ULK2: variants seen among roughly 807,000 people sequenced by gnomAD.
ULK2 encodes the protein unc-51 like autophagy activating kinase 2, also known as serine/threonine-protein kinase ULK2.
ULK2 carries 76 observed loss-of-function variants against 127.5 expected under a neutral mutation model. The ratio of observed to expected loss-of-function variants is 0.60; its 90% CI spans 0.50 to 0.72. ULK2 has a LOEUF of 0.72. Among genes scored for constraint, ULK2 ranks in the 30% least tolerant of loss-of-function variants. The pLI, the probability that ULK2 is intolerant of heterozygous loss-of-function variation, is 0.00. For missense variants in ULK2, 1,144 were observed against 1,295.9 expected (o/e 0.88, Z 1.80); for synonymous variants, 452 against 461.9 (o/e 0.98, Z 0.28).
intron 1 of ULK2, among the ~76,000 whole-genome samples, chr17:19,867,070 G>C (rs964452311): frequency 1.3e-5 from 2 of 152,182 alleles, no homozygotes; most frequent in African/African-American, 4.8e-5. Context: ...ACGCTCCTGC[G>C]GGCGGACCGC....
At chr17:19,825,049 T>A (rs2041252968) in intron 12 of ULK2, 45 bp downstream of exon 12, 1 of 1,530,758 alleles carries the variant, frequency 6.5e-7, no homozygotes, top group Non-Finnish European at 9.0e-7. Context: ...AGAAAAGATG[T>A]AATAGCACTA....
chr17:19,862,009 T>C (rs143053094), intron 3 of ULK2, among the ~76,000 whole-genome samples: 39 of 152,294 alleles, frequency 2.6e-4, no homozygotes, highest in Non-Finnish European at 4.6e-4. Context: ...ATTCTAGAAA[T>C]TGAAGTTAAA....
At chr17:19,797,044 A>G (rs2087286678) in intron 18 of ULK2, among the ~76,000 whole-genome samples, 1 of 152,218 alleles carries the variant, frequency 6.6e-6, no homozygotes, top group African/African-American at 2.4e-5. Flanking sequence ...CTGTAATTCT[A>G]GCATTTTGGG....
chr17:19,814,095 A>G (rs183288360), intron 13 of ULK2, among the ~76,000 whole-genome samples: 36 of 152,100 alleles, frequency 2.4e-4, no homozygotes, highest in African/African-American at 8.4e-4. Flanking sequence ...AAAAAAAGAA[A>G]CCCCATCTTG....
At chr17:19,780,351 C>A (rs1220936776) in intron 25 of ULK2, 121 bp downstream of exon 25, 1 of 879,572 alleles carries the variant, frequency 1.1e-6, no homozygotes, top group African/African-American at 1.7e-5. Flanking sequence ...AGAAGGCAAT[C>A]CACAATACTT....
chr17:19,856,790 G>A (rs2042138926), intron 3 of ULK2, among the ~76,000 whole-genome samples: 1 of 150,484 alleles, frequency 6.6e-6, no homozygotes, highest in Non-Finnish European at 1.5e-5. Flanking sequence ...GGCTAACACG[G>A]TGAAACCCCG....
chr17:19,826,053 A>G lies in ULK2; in HGVS notation c.835+86T>C, dbSNP rs908434145. The stretch of plus-strand genomic sequence containing the variant: ...AATGAAATTTTAGGAGTCACAATAA[A>G]AGATGAATTTTGTAGTAAAAATCAT... On this transcript the variant is annotated intron_variant, in intron 11 of 26. Coordinates refer to ENST00000395544, the MANE Select transcript of ULK2 (RefSeq NM_014683.4). The G allele has an allele frequency of 5.4e-6, 3 of 551,180 alleles. No individual in the cohort carries two copies. In the African/African-American group the frequency reaches 5.9e-5, roughly 11 times the overall value. 34.1% of individuals were successfully genotyped at this position (551,180 alleles called of 1,614,324 possible).
rs1455401963 is a variant in ULK2 at position 19,773,896 on chromosome 17, G to C, written c.*2453C>G. ...CCCGGCTCCTATTCACCACTCCAGC[G>C]AGGGAGAACAACTGTTGCTCTAGTT... is the stretch of plus-strand genomic sequence containing the variant. On this transcript the variant is annotated 3_prime_UTR_variant, in exon 27 of 27. Coordinates refer to ENST00000395544, the MANE Select transcript of ULK2 (RefSeq NM_014683.4). 1 of 152,242 alleles carries C rather than the reference G, an allele frequency of 6.6e-6. No homozygotes were observed. The highest frequency in any genetic ancestry group is 2.1e-4 in the South Asian group (1 of 4,828). 9.4% of individuals were successfully genotyped at this position (152,242 alleles called of 1,614,324 possible). A position where few individuals can be genotyped will look rare whatever the true frequency, so the allele number is the denominator to read the frequency against.
At chr17:19,829,555 G>GGGGGC (rs1555561155) in intron 10 of ULK2, among the ~76,000 whole-genome samples, 2 of 134,704 alleles carry the variant, frequency 1.5e-5, no homozygotes, top group Non-Finnish European at 3.2e-5. Context: ...AAAAGGGGGG[G>GGGGGC]GGCTGGGCAC....
chr17:19,822,831 C>T (rs1007323057), intron 12 of ULK2, among the ~76,000 whole-genome samples: 13 of 152,010 alleles, frequency 8.6e-5, no homozygotes, highest in African/African-American at 9.7e-5. Flanking sequence ...GGACTACAGG[C>T]GCGTGCCACC....
Position 19,826,190 on chromosome 17 carries a change from TA to T in ULK2, c.788-5del. 6.9e-7 allele frequency: 1 copy of T among 1,442,612 alleles called. No individual in the cohort carries two copies. Among genetic ancestry groups the T allele is most frequent in the Non-Finnish European group, 9.2e-7 (1 of 1,081,892 alleles). The allele number at this position is 1,442,612 out of a possible 1,614,324, so 89.4% of individuals were successfully genotyped here. On this transcript the variant is annotated splice_polypyrimidine_tract_variant and splice_region_variant and intron_variant, in intron 10 of 26. Transcript: ENST00000395544. ...AAAGGATGGCTAAAAAATGCTTCTG[TA>T]ACAAGAAATGAGAATGCAACCTTTA...
intron 14 of ULK2, among the ~76,000 whole-genome samples, chr17:19,806,508 A>G (rs1283547843): frequency 6.6e-6 from 1 of 152,180 alleles, no homozygotes; most frequent in Non-Finnish European, 1.5e-5. Context: ...CAGCATGAGG[A>G]CATGAACAGC....
At chr17:19,855,175 C>T (rs546022561) in intron 3 of ULK2, among the ~76,000 whole-genome samples, 9 of 150,924 alleles carry the variant, frequency 6.0e-5, no homozygotes, top group Admixed American at 1.3e-4. Flanking sequence ...GAGGCCGAGG[C>T]GGGTGGATCA....
intron 25 of ULK2, among the ~76,000 whole-genome samples, chr17:19,778,899 A>G (rs1447238907): frequency 6.6e-6 from 1 of 152,250 alleles, no homozygotes; most frequent in Non-Finnish European, 1.5e-5. Flanking sequence ...GCCAGGACGA[A>G]CGGAGGAATT....
rs958336065 is a variant in ULK2 at position 19,796,207 on chromosome 17, C to T, written c.1885G>A (p.Ala629Thr). 3 of 1,614,064 alleles carry T rather than the reference C, an allele frequency of 1.9e-6. No individual in the cohort carries two copies. The African/African-American group carries it at 4.0e-5, about 22-fold the overall frequency. ...TTCCCATCTTTCGACTGTTCTTCAG[C>T]AGGCCCATGACGAGTAACCAAGGCT... Reference protein sequence around the residue: ...LLALVTRHGPAEEQSKDGNEP... With the variant: ...LLALVTRHGPTEEQSKDGNEP... The change falls in exon 19 of 27, where the codon GCT (alanine) becomes ACT (threonine). Residue 629 changes from alanine to threonine, a missense_variant. Physicochemically the swap from Ala to Thr is moderately conservative, Grantham distance 58. This residue lies in a region of ULK2 where 913 missense variants were observed against 970.5 expected (regional missense o/e 0.94). Transcript: ENST00000395544.
At position 19,826,382 on chromosome 17, in the gene ULK2, A is replaced by G. The variant is rs370048155; in HGVS notation, c.788-196T>C. ...AAAATAATTATTTTTATAATCATATAAAATAATGAATCAATAACAAATTTT... is the reference window on the plus strand; with the variant it reads ...AAAATAATTATTTTTATAATCATATGAAATAATGAATCAATAACAAATTTT... On this transcript the variant is annotated intron_variant, in intron 10 of 26. Transcript: ENST00000395544. 2.6e-5 allele frequency among the ~76,000 whole-genome samples: 4 copies of G among 152,082 alleles called. No individual in the cohort carries two copies. In the East Asian group the frequency reaches 5.8e-4, roughly 22 times the overall value.
rs3884213 is a variant in ULK2 at position 19,823,126 on chromosome 17, A to ATTTTTTTTTTTTTTT, written c.924+1953_924+1967dup. On this transcript the variant is annotated intron_variant, in intron 12 of 26. Transcript: ENST00000395544. ...CAGTCATGCCCAGGCACGCCTGGCT[A>ATTTTTTTTTTTTTTT]TTTTTTTTTTTTTTTTTTTAGTAGA... Among the ~76,000 whole-genome samples the ATTTTTTTTTTTTTTT allele has an allele frequency of 5.3e-5, 6 of 113,144 alleles. 1 individual carries two copies. The highest frequency in any genetic ancestry group is 2.3e-4 in the African/African-American group (6 of 26,248). 74.2% of individuals were successfully genotyped at this position (113,144 alleles called of 152,430 possible).
chr17:19,850,844 T>C (rs1455087507), intron 3 of ULK2, among the ~76,000 whole-genome samples: 5 of 151,536 alleles, frequency 3.3e-5, no homozygotes, highest in East Asian at 2.0e-4. Context: ...AAAATATATA[T>C]AGATAGGTCT....
intron 20 of ULK2, among the ~76,000 whole-genome samples, chr17:19,794,877 G>A (rs1008350990): frequency 1.3e-5 from 2 of 152,054 alleles, no homozygotes; most frequent in African/African-American, 4.8e-5. Flanking sequence ...AGGAGATCGA[G>A]ACCATCCTGG....
Sources: allele counts gnomAD v4.1 joint callset (sites outside exome capture counted in the v4.1 genomes callset), GRCh38; gene constraint gnomAD v4.1.1; regional missense constraint gnomAD v4.1.1; transcripts MANE v1.5; gene names NCBI Gene and HGNC (gene_info 2026-07-23, HGNC 2026-07-21).